Variants in SLC12A5 observed in about 807,000 individuals in gnomAD.
SLC12A5 encodes solute carrier family 12 member 5.
Under a neutral mutation model 124.0 loss-of-function variants are expected in SLC12A5, and 18 were observed. The ratio of observed to expected loss-of-function variants is 0.15; its 90% confidence interval spans 0.10 to 0.22. SLC12A5 has a LOEUF of 0.22. SLC12A5 is among the 10% of genes least tolerant of loss of function. SLC12A5 has a pLI of 1.00. For missense variants in SLC12A5, 867 were observed against 1,478.7 expected (o/e 0.59, Z 6.78); for synonymous variants, 589 against 568.0 (o/e 1.04, Z -0.53).
chr20:46,055,311 C>T lies in SLC12A5; in HGVS notation c.2787+288C>T, dbSNP rs373429036. Among the ~76,000 whole-genome samples, 16 of 152,234 alleles carry T rather than the reference C, an allele frequency of 1.1e-4. No individual in the cohort carries two copies. The South Asian group carries it at 1.7e-3, about 16-fold the overall frequency. ...GAGAGAGAAGAGTGGATGCTAAATACGTATGGATGATGAGTCCTTAGGGGT... is the reference window on the plus strand; with the variant it reads ...GAGAGAGAAGAGTGGATGCTAAATATGTATGGATGATGAGTCCTTAGGGGT... On this transcript the variant is annotated intron_variant, in intron 21 of 25. Coordinates refer to ENST00000243964, the MANE Select transcript of SLC12A5 (RefSeq NM_020708.5).
rs2084572357 is a variant in SLC12A5, at chr20:46,044,041, T to G, written c.1394+108T>G. 4 of 1,085,326 alleles carry G rather than the reference T, an allele frequency of 3.7e-6. No homozygotes were observed. The Admixed American group carries it at 7.8e-5, about 21-fold the overall frequency. 67.2% of individuals were successfully genotyped at this position (1,085,326 alleles called of 1,614,324 possible). On this transcript the variant is annotated intron_variant, in intron 11 of 25. Coordinates refer to ENST00000243964, the MANE Select transcript of SLC12A5 (RefSeq NM_020708.5). ...TGCTGGGACCTGTGTGAGGGGCCTG[T>G]GGGAGGGAGGCCACGGGGATTGCTT... is the stretch of plus-strand genomic sequence containing the variant.
chr20:46,057,634 C>G lies in SLC12A5; in HGVS notation c.*29C>G. 6.4e-7 allele frequency: 1 copy of G among 1,574,602 alleles called. No homozygotes were observed. The highest frequency in any genetic ancestry group is 1.1e-5 in the South Asian group (1 of 88,618). ...CCAGGACCTGCCACCCGGGCCCGAG[C>G]GCGCCCGGCCCGCGGCTCCGGAGCC... On this transcript the variant is annotated 3_prime_UTR_variant, in exon 26 of 26. Transcript: ENST00000243964. This position sits in a 1 kb window ranked among gnomAD's most constrained non-coding sequence, Gnocchi z 7.1.
At chr20:46,049,492 G>T in intron 16 of SLC12A5, 130 bp from the exon 17 acceptor site, 1 of 1,161,182 alleles carries the variant, frequency 8.6e-7, no homozygotes. Context: ...TGGATGGGTG[G>T]TGAGGGGTAT....
In SLC12A5 at chr20:46,037,397, TGAG is replaced by T. The variant is rs777279837; in HGVS notation, c.612+20_612+22del. On this transcript the variant is annotated intron_variant, in intron 6 of 25. Transcript: ENST00000243964. ...TCGAAATCCTGCTGGTAAGAGAGGC[TGAG>T]GAGGAGGTGTGGAACCCCAGGTTGT... 8.1e-5 allele frequency: 130 copies of T among 1,602,090 alleles called. No homozygotes were observed. The highest frequency in any genetic ancestry group is 1.0e-4 in the Non-Finnish European group (119 of 1,173,290).
chr20:46,041,246 TA>T, intron 7 of SLC12A5, 82 bp from the exon 8 acceptor site: 1 of 1,240,526 alleles, frequency 8.1e-7, no homozygotes, highest in Non-Finnish European at 1.2e-6. Flanking sequence ...TCCGTGTGTT[TA>T]AAAGGTCTCC....
At chr20:46,043,791 A>T in intron 10 of SLC12A5, 60 bp downstream of exon 10, 1 of 1,610,960 alleles carries the variant, frequency 6.2e-7, no homozygotes, top group Non-Finnish European at 8.5e-7. Flanking sequence ...AGGGCAGCTG[A>T]ACTTGCTGCC....
Position 46,057,321 on chromosome 20 carries a change from T to C in SLC12A5, c.3259+18T>C, listed in dbSNP as rs754552673. 1.6e-5 allele frequency: 26 copies of C among 1,613,408 alleles called. No homozygotes were observed. The highest frequency in any genetic ancestry group is 1.6e-4 in the Middle Eastern group (1 of 6,080). The stretch of plus-strand genomic sequence containing the variant: ...TGAAAACTGTATCCTGGAATTAAAA[T>C]TGGGGGAAAGAGGGAGGTGGACGTC... On this transcript the variant is annotated intron_variant, in intron 25 of 25. Coordinates refer to ENST00000243964, the MANE Select transcript of SLC12A5 (RefSeq NM_020708.5). The surrounding 1 kb of genome is among the most constrained non-coding windows in gnomAD (Gnocchi z 7.1).
intron 1 of SLC12A5, among the ~76,000 whole-genome samples, chr20:46,031,564 C>A (rs1262442874): frequency 2.0e-5 from 3 of 152,176 alleles, no homozygotes; most frequent in Admixed American, 6.5e-5. Context: ...AGCAAGAGGG[C>A]ACTTCTGGAC....
intron 1 of SLC12A5, chr20:46,022,208 T>G (rs188065124): frequency 0.017 from 4,192 of 240,806 alleles, 175 homozygotes; most frequent in Admixed American, 0.11. Flanking sequence ...GAGTAGGCCG[T>G]AGGGCACTAA....
At chr20:46,021,798 C>T (rs1285595400), upstream of SLC12A5, 72 of 1,533,410 alleles carry the variant, frequency 4.7e-5, no homozygotes, top group Non-Finnish European at 6.3e-5. Context: ...CCTCGCTGCC[C>T]CCCGCAGGGC....
chr20:46,040,588 G>A lies in SLC12A5; in HGVS notation c.828G>A (p.Lys276=). 6.2e-7 allele frequency: 1 copy of A among 1,614,168 alleles called. No homozygotes were observed. Among genetic ancestry groups the A allele is most frequent in the Non-Finnish European group, 8.5e-7 (1 of 1,180,036 alleles). ...SILAIYAGVI[K]SAFDPPNFPI... ...TGGCCATCTATGCTGGGGTCATCAA[G>A]TCTGCCTTCGACCCACCCAACTTCC... Residue 276 remains lysine (K), a synonymous_variant, in exon 7 of 26, where the codon AAG becomes AAA. Coordinates refer to ENST00000243964, the MANE Select transcript of SLC12A5 (RefSeq NM_020708.5).
intron 1 of SLC12A5, among the ~76,000 whole-genome samples, chr20:46,031,761 G>A (rs1464606079): frequency 6.6e-6 from 1 of 152,152 alleles, no homozygotes. Context: ...ATTGAAAGCC[G>A]ATTCGGGTTG....
chr20:46,044,028 T>C (rs1215954986), intron 11 of SLC12A5, 95 bp downstream of exon 11: 1 of 1,273,610 alleles, frequency 7.9e-7, no homozygotes. Context: ...CTGGGACCTG[T>C]GTGAGGGGCC....
Position 46,060,017 on chromosome 20 carries a change from A to G in SLC12A5, c.*2412A>G, listed in dbSNP as rs1290120406. 1.1e-5 allele frequency: 2 copies of G among 184,082 alleles called. No homozygotes were observed. The allele number at this position is 184,082 out of a possible 1,614,324, so 11.4% of individuals were successfully genotyped here. ...TATTGATCTTGTGTTCTTTGTGCCA[A>G]TATGAAAAGGAGAGGGTTGGTTCTT... is the stretch of plus-strand genomic sequence containing the variant. On this transcript the variant is annotated 3_prime_UTR_variant, in exon 26 of 26. Transcript: ENST00000243964.
In SLC12A5 at chr20:46,043,927, G is replaced by A. The variant is rs777320467; in HGVS notation, c.1388G>A (p.Arg463Gln). The change falls in exon 11 of 26, where the codon CGG (arginine) becomes CAG (glutamine). Residue 463 changes from arginine to glutamine, a missense_variant. Arg to Gln is a conservative substitution (Grantham distance 43, BLOSUM62 1). Transcript: ENST00000243964. Reference protein sequence around the residue: ...FGACIEGVVLRDKFGEAVNGN... With the variant: ...FGACIEGVVLQDKFGEAVNGN... ...GCCTGCATTGAGGGGGTCGTCCTGC[G>A]GGACAAGTAAGATAATTGGGGTTGA... 17 of 1,603,180 alleles carry A rather than the reference G, an allele frequency of 1.1e-5. No individual in the cohort carries two copies. Among genetic ancestry groups the A allele is most frequent in the African/African-American group, 2.7e-5 (2 of 74,596 alleles).
intron 8 of SLC12A5, among the ~76,000 whole-genome samples, chr20:46,042,289 G>T (rs2084554902): frequency 6.6e-6 from 1 of 152,160 alleles, no homozygotes; most frequent in African/African-American, 2.4e-5. Flanking sequence ...GACGTGGTCA[G>T]ATCTCCATTT....
Position 46,058,365 on chromosome 20 carries a change from C to T in SLC12A5, c.*760C>T. 2.5e-6 allele frequency: 1 copy of T among 398,158 alleles called. No homozygotes were observed. Among genetic ancestry groups the T allele is most frequent in the Non-Finnish European group, 4.4e-6 (1 of 226,068 alleles). 24.7% of individuals were successfully genotyped at this position (398,158 alleles called of 1,614,324 possible). A position where few individuals can be genotyped will look rare whatever the true frequency, so the allele number is the denominator to read the frequency against. ...TGCTCTCGCCTCTTCGCCCTTTCCG[C>T]GCGCCCTTGGCTTCCCACCCTCCTC... On this transcript the variant is annotated 3_prime_UTR_variant, in exon 26 of 26. Transcript: ENST00000243964. This position sits in a 1 kb window ranked among gnomAD's most constrained non-coding sequence, Gnocchi z 5.8.
chr20:46,054,204 T>C (rs542710200), intron 20 of SLC12A5, among the ~76,000 whole-genome samples: 20 of 152,358 alleles, frequency 1.3e-4, no homozygotes, highest in Admixed American at 5.2e-4. Context: ...CTGAGTACTG[T>C]AGGCAATGGC....
At chr20:46,043,387 A>T (rs894615500) in intron 9 of SLC12A5, 64 bp downstream of exon 9, 2 of 1,561,416 alleles carry the variant, frequency 1.3e-6, no homozygotes, top group Non-Finnish European at 8.7e-7. Flanking sequence ...AGAGTCGATG[A>T]TGATGTTGGG....
Sources: allele counts gnomAD v4.1 joint callset (sites outside exome capture counted in the v4.1 genomes callset), GRCh38; gene constraint gnomAD v4.1.1; non-coding constraint Gnocchi (gnomAD v3.1); transcripts MANE v1.5; gene names NCBI Gene and HGNC (gene_info 2026-07-23, HGNC 2026-07-21).